The following DHX30 variants were observed in gnomAD, a reference collection of about 807,000 sequenced individuals.
The protein encoded by DHX30 is DExH-box helicase 30, also known as ATP-dependent RNA helicase DHX30.
A neutral mutation model predicts 116.9 loss-of-function variants in DHX30; 4 were observed. The ratio of observed to expected loss-of-function variants is 0.03; its 90% CI spans 0.02 to 0.08. The LOEUF is 0.08. DHX30 is among the 10% of genes least tolerant of loss of function. DHX30 has a pLI of 1.00. For synonymous variants in DHX30, 697 were observed against 651.7 expected (o/e 1.07, Z -1.06); for missense variants, 871 against 1,595.1 (o/e 0.55, Z 7.73).
chr3:47,834,407 G>A (rs1032689413), intron 6 of DHX30, among the ~76,000 whole-genome samples: 1 of 151,886 alleles, frequency 6.6e-6, no homozygotes, highest in African/African-American at 2.4e-5. Flanking sequence ...CCTGGCCCAT[G>A]TGGTATTTTC....
At chr3:47,842,244 C>A (rs1559716101) in intron 8 of DHX30, 1 of 154,490 alleles carries the variant, frequency 6.5e-6, no homozygotes, top group East Asian at 1.9e-4. Context: ...CTCACCCAAC[C>A]CCCTTTCGTA....
chr3:47,846,622 T>C lies in DHX30; in HGVS notation c.1550T>C (p.Phe517Ser). The C allele has an allele frequency of 6.2e-7, 1 of 1,614,080 alleles. No homozygotes were observed. The highest frequency in any genetic ancestry group is 8.5e-7 in the Non-Finnish European group (1 of 1,180,000). ...CCCTCCCTGCGCCGGAATGTGGGCT[T>C]CCAGGTGCGGTTGGAAAGTAAGCCC... Reference protein sequence around the residue: ...LGPSLRRNVGFQVRLESKPPS... With the variant: ...LGPSLRRNVGSQVRLESKPPS... Residue 517 changes from phenylalanine to serine, a missense_variant, in exon 11 of 22, where the codon TTC (phenylalanine) becomes TCC (serine). By Grantham distance (155) the Phe-to-Ser change is radical. This residue lies in a region of DHX30 where 63 missense variants were observed against 180.6 expected (regional missense o/e 0.35). Coordinates refer to ENST00000445061, the MANE Select transcript of DHX30 (RefSeq NM_138615.3).
At chr3:47,836,364 T>G (rs1165344047) in intron 6 of DHX30, among the ~76,000 whole-genome samples, 1 of 151,968 alleles carries the variant, frequency 6.6e-6, no homozygotes, top group Admixed American at 6.6e-5. Context: ...TCTCCTGACC[T>G]TAGGTGATCC....
At chr3:47,836,298 T>C (rs2107081992) in intron 6 of DHX30, among the ~76,000 whole-genome samples, 1 of 151,202 alleles carries the variant, frequency 6.6e-6, no homozygotes, top group Middle Eastern at 3.5e-3. Flanking sequence ...CCTGGCCAAT[T>C]TTTGTATTTC....
chr3:47,819,767 C>G (rs1446681009), intron 4 of DHX30, among the ~76,000 whole-genome samples: 5 of 152,172 alleles, frequency 3.3e-5, no homozygotes, highest in Non-Finnish European at 7.3e-5. Context: ...ATGATCACCT[C>G]CCTACCTCCT....
In DHX30 at chr3:47,849,963, G is replaced by A. The variant is rs2038058623; in HGVS notation, c.3428G>A (p.Arg1143Gln). ...GTGCGGCTGCTGAAGGAGCTGCGGC[G>A]GGCCCTGGGCCGCATGGTGGAGCGG... The part of the protein sequence containing the change: ...RTVRLLKELR[R>Q]ALGRMVERSL... The change falls in exon 22 of 22, where the codon CGG becomes CAG. Residue 1143 changes from arginine (R) to glutamine (Q), a missense_variant. By Grantham distance (43) the Arg-to-Gln change is conservative. This residue lies in a region of DHX30 where 238 missense variants were observed against 481.0 expected (regional missense o/e 0.49). Transcript: ENST00000445061. 8 of 1,612,842 alleles carry A rather than the reference G, an allele frequency of 5.0e-6. No homozygotes were observed. The highest frequency in any genetic ancestry group is 1.1e-5 in the South Asian group (1 of 91,042).
chr3:47,819,023 T>C (rs1403464220), intron 4 of DHX30, among the ~76,000 whole-genome samples: 3 of 152,064 alleles, frequency 2.0e-5, no homozygotes, highest in Non-Finnish European at 2.9e-5. Flanking sequence ...AGCACCTCAG[T>C]TTCTGCAGCC....
At chr3:47,817,743 A>G (rs1432680189) in intron 3 of DHX30, among the ~76,000 whole-genome samples, 2 of 152,252 alleles carry the variant, frequency 1.3e-5, no homozygotes, top group Non-Finnish European at 2.9e-5. Context: ...TAAGAGAAGT[A>G]TATAGGATGG....
rs756574609 is a variant in DHX30 at position 47,848,242 on chromosome 3, G to T, written c.2349G>T (p.Ala783=). The change falls in exon 15 of 22, where the codon GCG becomes GCT. Residue 783 remains alanine (A), a synonymous_variant. Transcript: ENST00000445061. This position sits in a 1 kb window ranked among gnomAD's most constrained non-coding sequence, Gnocchi z 9.4. The stretch of plus-strand genomic sequence containing the variant: ...ATGTGATCCAGCGCCGGGGCCGGGC[G>T]GGCCGCTGCCAGTCCGGCTTTGCCT... ...RANVIQRRGR[A]GRCQSGFAYH... 1 of 1,613,482 alleles carries T rather than the reference G, an allele frequency of 6.2e-7. No individual in the cohort carries two copies. Among genetic ancestry groups the T allele is most frequent in the South Asian group, 1.1e-5 (1 of 91,086 alleles).
intron 6 of DHX30, among the ~76,000 whole-genome samples, chr3:47,833,558 AG>A (rs2036965860): frequency 2.0e-5 from 3 of 148,632 alleles, no homozygotes; most frequent in African/African-American, 2.5e-5. Context: ...AAAAAAAAAA[AG>A]AAAGAGCACC....
chr3:47,840,798 C>T (rs967541324), intron 6 of DHX30, 79 bp from the exon 7 acceptor site: 25 of 1,567,216 alleles, frequency 1.6e-5, no homozygotes, highest in African/African-American at 1.2e-4. Context: ...CACAACTTAA[C>T]GGTGTAGCTG....
chr3:47,836,336 G>A (rs990469625), intron 6 of DHX30, among the ~76,000 whole-genome samples: 3 of 151,590 alleles, frequency 2.0e-5, no homozygotes, highest in African/African-American at 7.3e-5. Flanking sequence ...CACCATGTTG[G>A]CCAGGCTGGT....
At chr3:47,803,525 T>C (rs2035385251) in intron 1 of DHX30, among the ~76,000 whole-genome samples, 2 of 140,078 alleles carry the variant, frequency 1.4e-5, no homozygotes, top group Admixed American at 1.4e-4. Flanking sequence ...GGCCGCTTCA[T>C]TGGCGCAACG....
intron 4 of DHX30, chr3:47,824,985 C>G (rs572537101): frequency 5.6e-6 from 3 of 537,648 alleles, no homozygotes; most frequent in Non-Finnish European, 6.5e-6. Context: ...CGGCCGCTCC[C>G]GTTCTCTTCG....
At chr3:47,826,876 T>TA (rs2036576932) in intron 4 of DHX30, among the ~76,000 whole-genome samples, 1 of 152,248 alleles carries the variant, frequency 6.6e-6, no homozygotes. Context: ...TCACTTGAGA[T>TA]ACATGGGGCC....
chr3:47,846,058 G>C (rs1239692562), intron 10 of DHX30, 107 bp from the exon 11 acceptor site: 59 of 1,414,938 alleles, frequency 4.2e-5, no homozygotes, highest in Non-Finnish European at 5.0e-5. Flanking sequence ...CCTCTGCCCA[G>C]CGGGTTGGGC....
rs77595417 is a variant in DHX30 at position 47,826,896 on chromosome 3, G to A, written c.125-451G>A. On this transcript the variant is annotated intron_variant, in intron 4 of 21. Coordinates refer to ENST00000445061, the MANE Select transcript of DHX30 (RefSeq NM_138615.3). ...TGAGATACATGGGGCCAGGTCTCTC[G>A]TGTGTGTGTCTTATTTTAGGAAGAG... Among the ~76,000 whole-genome samples, 21 of 152,294 alleles carry A rather than the reference G, an allele frequency of 1.4e-4. No homozygotes were observed. The East Asian group carries it at 2.9e-3, about 21-fold the overall frequency.
At chr3:47,818,398 C>T (rs1239044701) in intron 4 of DHX30, among the ~76,000 whole-genome samples, 1 of 152,136 alleles carries the variant, frequency 6.6e-6, no homozygotes, top group Admixed American at 6.5e-5. Flanking sequence ...TCTCAGCACC[C>T]GCATGGAGAA....
In DHX30 at chr3:47,849,717, G is replaced by A. The variant is rs576688338; in HGVS notation, c.3279G>A (p.Gln1093=). The A allele has an allele frequency of 1.2e-6, 2 of 1,614,132 alleles. No homozygotes were observed. The highest frequency in any genetic ancestry group is 3.3e-5 in the Admixed American group (2 of 60,024). Residue 1093 remains glutamine, a synonymous_variant, in exon 21 of 22, where the codon CAG becomes CAA. Transcript: ENST00000445061. ...GCGTCTTCGTCCGGGACTCCTCTCA[G>A]GTGCACCCGCTAGCTGTGCTGCTGC... The part of the protein sequence containing the change: ...NGSVFVRDSS[Q]VHPLAVLLLT...
Sources: allele counts gnomAD v4.1 joint callset (sites outside exome capture counted in the v4.1 genomes callset), GRCh38; gene constraint gnomAD v4.1.1; regional missense constraint gnomAD v4.1.1; non-coding constraint Gnocchi (gnomAD v3.1); transcripts MANE v1.5; gene names NCBI Gene and HGNC (gene_info 2026-07-23, HGNC 2026-07-21).